The following ANTXR2 variants were observed in gnomAD, a reference collection of about 807,000 sequenced individuals.
The protein encoded by ANTXR2 is ANTXR cell adhesion molecule 2, also known as anthrax toxin receptor 2.
In ANTXR2, 44 loss-of-function variants were observed where a neutral mutation model predicts 73.7. The observed-to-expected ratio is 0.60, with a 90% CI of 0.47 to 0.77. ANTXR2 has a LOEUF of 0.77. Among genes scored for constraint, ANTXR2 ranks in the 30% least tolerant of loss-of-function variants. The pLI is 0.00. For synonymous variants in ANTXR2, 217 were observed against 205.9 expected, an observed-to-expected ratio of 1.05 and a Z score of -0.46; for missense variants, 604 against 592.5, an observed-to-expected ratio of 1.02 and a Z score of -0.20.
chr4:80,015,732 G>A (rs1731805615), intron 11 of ANTXR2, among the ~76,000 whole-genome samples: 1 of 151,322 alleles, frequency 6.6e-6, no homozygotes, highest in Non-Finnish European at 1.5e-5. Flanking sequence ...AGCAGGAGGA[G>A]GGAGAGGAAT....
At chr4:79,959,844 C>G (rs985159243) in intron 16 of ANTXR2, among the ~76,000 whole-genome samples, 1 of 152,128 alleles carries the variant, frequency 6.6e-6, no homozygotes, top group Non-Finnish European at 1.5e-5. Context: ...GAGGGAAGGT[C>G]GCATTGTCTA....
intron 12 of ANTXR2, among the ~76,000 whole-genome samples, chr4:79,995,920 A>T (rs1337999585): frequency 6.6e-6 from 1 of 152,030 alleles, no homozygotes. Flanking sequence ...CAGAAACTGA[A>T]CCAGAGCTAA....
At chr4:79,907,633 G>C (rs892594795) in intron 16 of ANTXR2, among the ~76,000 whole-genome samples, 166 bp from the exon 17 acceptor site, 14 of 152,174 alleles carry the variant, frequency 9.2e-5, no homozygotes, top group African/African-American at 3.4e-4. Context: ...AAGCATGATG[G>C]TTCATTCAGA....
chr4:79,979,933 C>A (rs1729812484), intron 14 of ANTXR2, among the ~76,000 whole-genome samples: 1 of 152,056 alleles, frequency 6.6e-6, no homozygotes, highest in Non-Finnish European at 1.5e-5. Flanking sequence ...GAAGTAGATA[C>A]AATTTAGATC....
At chr4:80,029,368 C>T (rs1732584871) in intron 10 of ANTXR2, among the ~76,000 whole-genome samples, 1 of 151,790 alleles carries the variant, frequency 6.6e-6, no homozygotes, top group African/African-American at 2.4e-5. Context: ...TAGTATGGCC[C>T]CCCAAAATAA....
rs146737820 is a variant in ANTXR2, at chr4:80,041,935, G to C, written c.637-5903C>G. Among the ~76,000 whole-genome samples, 677 of 152,140 alleles carry C rather than the reference G, an allele frequency of 4.4e-3. 8 individuals are homozygous for C. The highest frequency in any genetic ancestry group is 0.015 in the African/African-American group (642 of 41,518). ...ATAGTGCTGCAATAAACATACGCAT[G>C]CATGTATCTTTGTAATAGAATGTAT... On this transcript the variant is annotated intron_variant, in intron 7 of 16. Transcript: ENST00000403729.
chr4:80,015,923 AAAAGGAAAGGAAAGGAAAGGAAAGG>A (rs1184169438), intron 11 of ANTXR2, among the ~76,000 whole-genome samples: 510 of 36,924 alleles, frequency 0.014, 3 homozygotes, highest in East Asian at 0.029. Context: ...AAGGAAAGGA[AAAAGGAAAGGAAAGGAAAGGAAAGG>A]AAAGGAAAGG....
In ANTXR2 at chr4:79,977,629, CTTCCTGAGGTCGCATCA is replaced by C. The variant is rs763404273; in HGVS notation, c.1403_1419del (p.Leu468TrpfsTer3). 6.3e-7 allele frequency: 1 copy of C among 1,575,846 alleles called. No homozygotes were observed. The highest frequency in any genetic ancestry group is 8.6e-7 in the Non-Finnish European group (1 of 1,159,620). On this transcript the variant is annotated frameshift_variant, in exon 16 of 17. Transcript: ENST00000403729. LOFTEE classifies it high-confidence loss of function. ...CATTCCCATATACAAACCTCATCTCCTTCCTGAGGTCGCATCAAAGAAACCCGGTCATACTGCCGCCT... is the reference window on the plus strand; with the variant it reads ...CATTCCCATATACAAACCTCATCTCCAAGAAACCCGGTCATACTGCCGCCT...
At chr4:80,001,592 C>T (rs1337939052) in intron 12 of ANTXR2, among the ~76,000 whole-genome samples, 2 of 150,720 alleles carry the variant, frequency 1.3e-5, no homozygotes, top group African/African-American at 4.9e-5. Flanking sequence ...GAGTTCAATT[C>T]CTGGGTATCC....
At chr4:79,993,759 C>T (rs1166750716) in intron 12 of ANTXR2, among the ~76,000 whole-genome samples, 2 of 118,706 alleles carry the variant, frequency 1.7e-5, no homozygotes, top group South Asian at 3.9e-4. Flanking sequence ...CACACACACA[C>T]GCACACACAC....
intron 16 of ANTXR2, among the ~76,000 whole-genome samples, chr4:79,926,764 G>A (rs1727795746): frequency 6.6e-6 from 1 of 151,972 alleles, no homozygotes; most frequent in South Asian, 2.1e-4. Context: ...TAACTGCACA[G>A]GTATCTGCAT....
At chr4:80,067,016 T>C (rs1734531376) in intron 3 of ANTXR2, among the ~76,000 whole-genome samples, 1 of 152,070 alleles carries the variant, frequency 6.6e-6, no homozygotes, top group Non-Finnish European at 1.5e-5. Context: ...CCATCCCGGC[T>C]AACACGGTGA....
At chr4:79,953,929 C>T (rs968595801) in intron 16 of ANTXR2, among the ~76,000 whole-genome samples, 1 of 151,960 alleles carries the variant, frequency 6.6e-6, no homozygotes, top group East Asian at 1.9e-4. Context: ...ATATGTTGGC[C>T]TTTTCAATTT....
intron 12 of ANTXR2, among the ~76,000 whole-genome samples, chr4:80,000,897 C>T (rs1441703537): frequency 6.6e-6 from 1 of 152,084 alleles, no homozygotes; most frequent in East Asian, 1.9e-4. Flanking sequence ...ATGAATGAAA[C>T]TGTGCTGGCT....
chr4:79,981,478 A>T (rs1729887453), intron 14 of ANTXR2, among the ~76,000 whole-genome samples: 1 of 152,166 alleles, frequency 6.6e-6, no homozygotes, highest in Non-Finnish European at 1.5e-5. Flanking sequence ...TTTGACGCAC[A>T]CCTTATATAC....
At chr4:80,026,597 T>C (rs1732458589) in intron 10 of ANTXR2, among the ~76,000 whole-genome samples, 1 of 152,094 alleles carries the variant, frequency 6.6e-6, no homozygotes, top group African/African-American at 2.4e-5. Context: ...CAAATAATTA[T>C]CTACTAAATA....
At chr4:79,982,151 T>A (rs907536317) in intron 14 of ANTXR2, among the ~76,000 whole-genome samples, 5 of 152,206 alleles carry the variant, frequency 3.3e-5, no homozygotes, top group Admixed American at 6.5e-5. Flanking sequence ...TATTATTTAT[T>A]CAATTAAGGC....
chr4:79,947,486 A>G (rs1050004776), intron 16 of ANTXR2, among the ~76,000 whole-genome samples: 1 of 152,208 alleles, frequency 6.6e-6, no homozygotes, highest in Non-Finnish European at 1.5e-5. Flanking sequence ...TTGCCCCAGC[A>G]GAACATTTTC....
At chr4:80,059,314 C>T (rs1734136851) in intron 3 of ANTXR2, among the ~76,000 whole-genome samples, 1 of 130,678 alleles carries the variant, frequency 7.7e-6, no homozygotes, top group Non-Finnish European at 1.8e-5. Context: ...AGGAGGCACA[C>T]AAACACCATA....
Sources: allele counts gnomAD v4.1 joint callset (sites outside exome capture counted in the v4.1 genomes callset), GRCh38; gene constraint gnomAD v4.1.1; transcripts MANE v1.5; gene names NCBI Gene and HGNC (gene_info 2026-07-23, HGNC 2026-07-21).